The following HYAL4 variants were observed in gnomAD, a reference collection of about 807,000 sequenced individuals.
HYAL4 encodes the protein hyaluronidase 4, also known as hyaluronidase-4.
HYAL4 carries 37 observed loss-of-function variants against 35.2 expected under a neutral mutation model. That is an observed-to-expected ratio of 1.05 (90% CI 0.81 to 1.38). The LOEUF is 1.38. Ranked by LOEUF, HYAL4 falls within the 40% of genes most tolerant of loss-of-function variation. The pLI is 0.00. For missense variants in HYAL4, 572 were observed against 572.4 expected (o/e 1.00, Z 0.01); for synonymous variants, 198 against 203.2 (o/e 0.97, Z 0.22).
chr7:123,769,103 A>G, the HYAL4 span, among the ~76,000 whole-genome samples: 1 of 152,238 alleles, frequency 6.6e-6, no homozygotes, highest in African/African-American at 2.4e-5. Flanking sequence ...AACACAAGTG[A>G]GTTCATTACC....
At chr7:123,873,583 G>A (rs752718988) in intron 3 of HYAL4, among the ~76,000 whole-genome samples, 18 of 151,994 alleles carry the variant, frequency 1.2e-4, no homozygotes, top group African/African-American at 1.2e-4. Flanking sequence ...ATTTTCTAGC[G>A]TTTAATTGGT....
chr7:123,857,997 G>C (rs1385321968), intron 2 of HYAL4, among the ~76,000 whole-genome samples: 2 of 152,018 alleles, frequency 1.3e-5, no homozygotes, highest in Non-Finnish European at 2.9e-5. Context: ...AGGAGTTCGA[G>C]ACCAGCCTGG....
At chr7:123,809,287 G>C in the HYAL4 span, among the ~76,000 whole-genome samples, 7 of 151,776 alleles carry the variant, frequency 4.6e-5, no homozygotes, top group Admixed American at 4.6e-4. Flanking sequence ...TCTTCTCTGA[G>C]TTTCTCTGTA....
the HYAL4 span, among the ~76,000 whole-genome samples, chr7:123,797,923 C>T: frequency 6.6e-6 from 1 of 152,216 alleles, no homozygotes; most frequent in South Asian, 2.1e-4. Context: ...AACTTAATTA[C>T]ACCTATGGCA....
At chr7:123,777,493 T>G in the HYAL4 span, among the ~76,000 whole-genome samples, 618 of 152,288 alleles carry the variant, frequency 4.1e-3, 3 homozygotes, top group African/African-American at 0.014. Context: ...TTGACTGATA[T>G]TTAACATTTA....
At chr7:123,843,413 T>C (rs1179913476), upstream of HYAL4, among the ~76,000 whole-genome samples, 4 of 152,168 alleles carry the variant, frequency 2.6e-5, no homozygotes, top group Non-Finnish European at 5.9e-5. Context: ...TCGACCTTTC[T>C]CTCTGGCTGC....
upstream of HYAL4, among the ~76,000 whole-genome samples, chr7:123,825,256 G>A (rs991379768): frequency 2.0e-5 from 3 of 151,850 alleles, no homozygotes; most frequent in African/African-American, 7.3e-5. Flanking sequence ...CCTAATTGAA[G>A]CATGTATTTG....
intron 1 of HYAL4, among the ~76,000 whole-genome samples, chr7:123,839,097 A>G (rs1445468721): frequency 1.3e-5 from 2 of 151,934 alleles, no homozygotes; most frequent in Non-Finnish European, 2.9e-5. Context: ...TCAACTTATC[A>G]TTTACATTAG....
chr7:123,773,954 C>T, the HYAL4 span, among the ~76,000 whole-genome samples: 9 of 151,176 alleles, frequency 6.0e-5, no homozygotes, highest in South Asian at 4.2e-4. Context: ...TGGCAGTCTG[C>T]TAGGCAGTGG....
the HYAL4 span, among the ~76,000 whole-genome samples, chr7:123,812,000 C>T: frequency 3.3e-5 from 5 of 152,140 alleles, no homozygotes; most frequent in Middle Eastern, 3.4e-3. Context: ...CACCACCACA[C>T]GTGGCTAATT....
intron 2 of HYAL4, among the ~76,000 whole-genome samples, chr7:123,860,636 C>G (rs1806558096): frequency 6.6e-6 from 1 of 152,086 alleles, no homozygotes; most frequent in Non-Finnish European, 1.5e-5. Context: ...TGGCCTTTGC[C>G]TTATAGTAGA....
At chr7:123,816,933 A>G in the HYAL4 span, among the ~76,000 whole-genome samples, 1 of 152,200 alleles carries the variant, frequency 6.6e-6, no homozygotes, top group Non-Finnish European at 1.5e-5. Context: ...GGTTTAAGGA[A>G]TGTGATATTA....
At chr7:123,870,998 G>C (rs563919008) in intron 3 of HYAL4, among the ~76,000 whole-genome samples, 9 of 152,180 alleles carry the variant, frequency 5.9e-5, no homozygotes, top group African/African-American at 2.2e-4. Context: ...TGCACATTCT[G>C]TGAACCTGGT....
chr7:123,849,119 AT>A (rs1806239316), intron 2 of HYAL4, among the ~76,000 whole-genome samples: 1 of 152,184 alleles, frequency 6.6e-6, no homozygotes, highest in Non-Finnish European at 1.5e-5. Context: ...AAGTTGAGAA[AT>A]TTAATAATGA....
At chr7:123,835,715 G>A (rs1483145932) in intron 1 of HYAL4, among the ~76,000 whole-genome samples, 2 of 151,976 alleles carry the variant, frequency 1.3e-5, no homozygotes, top group Non-Finnish European at 2.9e-5. Flanking sequence ...AGACATTTAG[G>A]GCTACGAACT....
chr7:123,818,660 G>T, the HYAL4 span, among the ~76,000 whole-genome samples: 1 of 152,076 alleles, frequency 6.6e-6, no homozygotes, highest in African/African-American at 2.4e-5. Flanking sequence ...TTAGAATATT[G>T]CCTGGAACAT....
At chr7:123,861,893 G>A (rs1013990618) in intron 2 of HYAL4, among the ~76,000 whole-genome samples, 4 of 152,080 alleles carry the variant, frequency 2.6e-5, no homozygotes, top group Non-Finnish European at 1.5e-5. Context: ...TACTGTTATA[G>A]AGTAGATTAT....
chr7:123,774,065 A>G, the HYAL4 span, among the ~76,000 whole-genome samples: 1 of 152,108 alleles, frequency 6.6e-6, no homozygotes, highest in African/African-American at 2.4e-5. Context: ...TCTGTTGCCC[A>G]TGCTGTAGTG....
the HYAL4 span, among the ~76,000 whole-genome samples, chr7:123,789,364 G>C: frequency 6.6e-6 from 1 of 152,182 alleles, no homozygotes; most frequent in Non-Finnish European, 1.5e-5. Context: ...TTAGAGAATG[G>C]ACTATAATCC....
Sources: allele counts gnomAD v4.1 joint callset (sites outside exome capture counted in the v4.1 genomes callset), GRCh38; gene constraint gnomAD v4.1.1; transcripts MANE v1.5; gene names NCBI Gene and HGNC (gene_info 2026-07-23, HGNC 2026-07-21).